GNG4: variants seen among roughly 807,000 people sequenced by gnomAD.
GNG4 encodes the protein guanine nucleotide-binding protein G(I)/G(S)/G(O) subunit gamma-4.
Under a neutral mutation model 5.8 loss-of-function variants are expected in GNG4, and 4 were observed. The observed-to-expected ratio is 0.69, with a 90% confidence interval of 0.34 to 1.57. The LOEUF (loss-of-function observed/expected upper bound fraction) is 1.57, where lower values mean the gene tolerates loss of function less well. GNG4 is among the 40% of genes most tolerant of loss of function. GNG4 has a pLI of 0.06. For missense variants in GNG4, 96 were observed against 95.1 expected, an observed-to-expected ratio of 1.01 and a Z score of -0.04; for synonymous variants, 29 against 32.9, an observed-to-expected ratio of 0.88 and a Z score of 0.41.
At chr1:235,598,188 T>C (rs1007501533) in intron 1 of GNG4, among the ~76,000 whole-genome samples, 1 of 152,232 alleles carries the variant, frequency 6.6e-6, no homozygotes, top group Non-Finnish European at 1.5e-5. Context: ...GGCCCTGCTC[T>C]ACCCACCTCC....
At chr1:235,620,524 G>A (rs114632408) in intron 1 of GNG4, among the ~76,000 whole-genome samples, 6 of 134,846 alleles carry the variant, frequency 4.4e-5, no homozygotes, top group African/African-American at 1.0e-4. Flanking sequence ...TGAATGTGCA[G>A]TTTGTTTGTT....
intron 1 of GNG4, among the ~76,000 whole-genome samples, chr1:235,602,083 C>T (rs923830138): frequency 1.2e-4 from 19 of 152,220 alleles, no homozygotes; most frequent in African/African-American, 3.6e-4. Context: ...ACCAGCCTGG[C>T]CAACATAGTG....
rs1485922436 is a variant in GNG4, at chr1:235,552,029, TC to T, written c.*79del. The stretch of plus-strand genomic sequence containing the variant: ...GGGCAGGGATGGGTGTTGGTCTCAC[TC>T]CCTAAGGCTTAGAGCATGCATGGTC... On this transcript the variant is annotated 3_prime_UTR_variant, in exon 4 of 4. Coordinates refer to ENST00000391854, the MANE Select transcript of GNG4 (RefSeq NM_001098722.2). 1.5e-6 allele frequency: 2 copies of T among 1,306,908 alleles called. No individual in the cohort carries two copies. Among genetic ancestry groups the T allele is most frequent in the East Asian group, 4.7e-5 (2 of 42,354 alleles). The allele number at this position is 1,306,908 out of a possible 1,614,324, so 81.0% of individuals were successfully genotyped here. A position where few individuals can be genotyped will look rare whatever the true frequency, so the allele number is the denominator to read the frequency against.
chr1:235,602,599 GA>G (rs1688280467), intron 1 of GNG4, among the ~76,000 whole-genome samples: 1 of 152,162 alleles, frequency 6.6e-6, no homozygotes, highest in Non-Finnish European at 1.5e-5. Flanking sequence ...TGGCTGCCTT[GA>G]AAATGCTTTT....
In GNG4 at chr1:235,552,114, G is replaced by T; in HGVS notation, c.223C>A (p.Leu75Ile). The change falls in exon 4 of 4, where the codon CTC (leucine) becomes ATC (isoleucine). Residue 75 changes from leucine to isoleucine, a missense_variant. Coordinates refer to ENST00000391854, the MANE Select transcript of GNG4 (RefSeq NM_001098722.2). ...CGTTTTCATCACACACGGAGTTAGAGAATGGTACAAAAGAACTTCTTCTCG... is the reference window on the plus strand; with the variant it reads ...CGTTTTCATCACACACGGAGTTAGATAATGGTACAAAAGAACTTCTTCTCG... ...FREKKFFCTI[L>I] 1 of 1,613,758 alleles carries T rather than the reference G, an allele frequency of 6.2e-7. No homozygotes were observed. Among genetic ancestry groups the T allele is most frequent in the Non-Finnish European group, 8.5e-7 (1 of 1,179,754 alleles).
At chr1:235,635,314 T>C (rs1689012421) in intron 1 of GNG4, among the ~76,000 whole-genome samples, 2 of 151,834 alleles carry the variant, frequency 1.3e-5, no homozygotes, top group Admixed American at 6.6e-5. Context: ...CTGACCAACA[T>C]GGAGAAACCC....
chr1:235,637,170 T>G (rs1657124603), intron 1 of GNG4, among the ~76,000 whole-genome samples: 1 of 152,114 alleles, frequency 6.6e-6, no homozygotes, highest in Non-Finnish European at 1.5e-5. Flanking sequence ...TAGTGATTGC[T>G]CCTTTGAAAA....
At chr1:235,647,791 C>A (rs952423799) in intron 1 of GNG4, among the ~76,000 whole-genome samples, 1 of 152,174 alleles carries the variant, frequency 6.6e-6, no homozygotes, top group Non-Finnish European at 1.5e-5. Flanking sequence ...TGCACCACCA[C>A]GCCCGCCTAA....
intron 2 of GNG4, among the ~76,000 whole-genome samples, chr1:235,588,464 A>G (rs186401427): frequency 1.3e-5 from 2 of 151,786 alleles, no homozygotes; most frequent in Admixed American, 1.3e-4. Context: ...GCATGACCCA[A>G]CTACCACCAC....
At chr1:235,647,125 T>C (rs1340584347) in intron 1 of GNG4, among the ~76,000 whole-genome samples, 1 of 152,196 alleles carries the variant, frequency 6.6e-6, no homozygotes, top group Non-Finnish European at 1.5e-5. Flanking sequence ...ATTTATGTAG[T>C]ACTTATACCT....
At chr1:235,557,315 AG>A (rs1367769982) in intron 3 of GNG4, among the ~76,000 whole-genome samples, 18 of 152,154 alleles carry the variant, frequency 1.2e-4, no homozygotes, top group Admixed American at 6.5e-4. Context: ...AGTGCACACG[AG>A]GAGAGATCCT....
intron 3 of GNG4, among the ~76,000 whole-genome samples, chr1:235,579,495 A>G (rs1383410177): frequency 3.3e-5 from 5 of 151,990 alleles, no homozygotes; most frequent in African/African-American, 9.7e-5. Flanking sequence ...ATTCCTGTGC[A>G]CTGCTGGTGA....
At chr1:235,621,682 C>CT (rs34702099) in intron 1 of GNG4, among the ~76,000 whole-genome samples, 43,074 of 144,462 alleles carry the variant, frequency 0.3, 7,165 homozygotes, top group Middle Eastern at 0.41. Context: ...GTATTTTACC[C>CT]TTTTTTTTTT....
At chr1:235,589,182 C>G (rs1687900775) in intron 2 of GNG4, among the ~76,000 whole-genome samples, 2 of 152,208 alleles carry the variant, frequency 1.3e-5, no homozygotes, top group African/African-American at 4.8e-5. Flanking sequence ...GGCTCTAAGC[C>G]ACTGTTGTTT....
chr1:235,554,697 T>C (rs1183525068), intron 3 of GNG4, among the ~76,000 whole-genome samples: 2 of 151,926 alleles, frequency 1.3e-5, no homozygotes, highest in African/African-American at 4.8e-5. Flanking sequence ...TACAAAAAAT[T>C]AGCCAGGCGT....
At chr1:235,614,912 G>A (rs1450152479) in intron 1 of GNG4, 1 of 152,300 alleles carries the variant, frequency 6.6e-6, no homozygotes, top group Non-Finnish European at 1.5e-5. Flanking sequence ...AGGTCACTGA[G>A]CCCATGCAGG....
chr1:235,646,914 C>T (rs1049681160), intron 1 of GNG4, among the ~76,000 whole-genome samples: 1 of 152,164 alleles, frequency 6.6e-6, no homozygotes, highest in Non-Finnish European at 1.5e-5. Flanking sequence ...TATTTCTTAA[C>T]ATTTCCTAAA....
intron 3 of GNG4, among the ~76,000 whole-genome samples, chr1:235,552,926 T>C (rs1322419402): frequency 6.6e-6 from 1 of 152,024 alleles, no homozygotes; most frequent in Non-Finnish European, 1.5e-5. Flanking sequence ...GCCCAGCTAA[T>C]TTTTGTATTT....
In GNG4 at chr1:235,550,120, T is replaced by A. The variant is rs1686701473; in HGVS notation, c.*1989A>T. The A allele has an allele frequency of 6.6e-6, 1 of 152,230 alleles. No individual in the cohort carries two copies. Among genetic ancestry groups the A allele is most frequent in the African/African-American group, 2.4e-5 (1 of 41,452 alleles). The allele number at this position is 152,230 out of a possible 1,614,324, so 9.4% of individuals were successfully genotyped here. On this transcript the variant is annotated 3_prime_UTR_variant, in exon 4 of 4. Coordinates refer to ENST00000391854, the MANE Select transcript of GNG4 (RefSeq NM_001098722.2). The stretch of plus-strand genomic sequence containing the variant: ...TGCTCCCACTGTGTATTCTCCTCTT[T>A]CATCGGGATCATATGAGTTTGGTTT...
Sources: gnomAD v4.1 joint callset for allele counts (sites outside exome capture counted in the v4.1 genomes callset) on GRCh38, gnomAD v4.1.1 for gene constraint, MANE v1.5 for transcripts, NCBI Gene and HGNC (gene_info 2026-07-23, HGNC 2026-07-21) for gene names.